The following KCNQ3 variants were observed in gnomAD, a reference collection of about 807,000 sequenced individuals.
The protein encoded by KCNQ3 is potassium voltage-gated channel subfamily Q member 3, also known as potassium voltage-gated channel subfamily KQT member 3.
Under a neutral mutation model 92.5 loss-of-function variants are expected in KCNQ3, and 30 were observed. The ratio of observed to expected loss-of-function variants is 0.32; its 90% CI spans 0.24 to 0.44. The LOEUF is 0.44. KCNQ3 is among the 20% of genes least tolerant of loss of function. The probability of loss-of-function intolerance (pLI) is 1.00; values close to 1 mark genes in which losing one functional copy is unlikely to be tolerated. For synonymous variants in KCNQ3, 450 were observed against 468.8 expected (o/e 0.96, Z 0.52); for missense variants, 913 against 1,140.3 (o/e 0.80, Z 2.87).
At chr8:132,231,787 C>T (rs2130375359) in intron 1 of KCNQ3, among the ~76,000 whole-genome samples, 1 of 152,360 alleles carries the variant, frequency 6.6e-6, no homozygotes, top group African/African-American at 2.4e-5. Context: ...AAGCCACATT[C>T]ATGCTTTGCA....
intron 1 of KCNQ3, among the ~76,000 whole-genome samples, chr8:132,339,624 G>C (rs1818462326): frequency 6.6e-6 from 1 of 152,120 alleles, no homozygotes; most frequent in African/African-American, 2.4e-5. Context: ...CATGAGTATT[G>C]CTTGAACCAA....
intron 1 of KCNQ3, among the ~76,000 whole-genome samples, chr8:132,429,973 T>C (rs937307124): frequency 4.6e-5 from 7 of 152,086 alleles, no homozygotes; most frequent in African/African-American, 1.7e-4. Flanking sequence ...GTTCATTCAT[T>C]CATTCATTCA....
chr8:132,173,021 T>C (rs1029783520), intron 6 of KCNQ3, among the ~76,000 whole-genome samples: 3 of 152,204 alleles, frequency 2.0e-5, no homozygotes, highest in Non-Finnish European at 4.4e-5. Context: ...TAATACCTAA[T>C]GCATGATTAG....
chr8:132,280,170 C>G lies in KCNQ3; in HGVS notation c.387-93989G>C, dbSNP rs529037050. Among the ~76,000 whole-genome samples, 4 of 152,158 alleles carry G rather than the reference C, an allele frequency of 2.6e-5. No individual in the cohort carries two copies. The South Asian group carries it at 8.3e-4, about 32-fold the overall frequency. ...CAAGATGATTTCAGAGAGAAAAATT[C>G]AATAAAGAAGATGTCCCAGGCTGCC... On this transcript the variant is annotated intron_variant, in intron 1 of 14. Transcript: ENST00000388996.
intron 1 of KCNQ3, among the ~76,000 whole-genome samples, chr8:132,283,037 G>A (rs369720749): frequency 2.0e-4 from 30 of 151,992 alleles, no homozygotes; most frequent in African/African-American, 6.8e-4. Context: ...ATGGGAAACC[G>A]AACATACAGA....
intron 9 of KCNQ3, among the ~76,000 whole-genome samples, chr8:132,149,181 T>C (rs1030370136): frequency 3.9e-5 from 6 of 152,228 alleles, no homozygotes; most frequent in Non-Finnish European, 7.3e-5. Flanking sequence ...AATTGATAGA[T>C]GCAGGAGGCA....
intron 1 of KCNQ3, among the ~76,000 whole-genome samples, chr8:132,437,309 A>G (rs369118577): frequency 9.9e-5 from 15 of 151,156 alleles, no homozygotes; most frequent in Non-Finnish European, 1.9e-4. Context: ...AATAAAAAAA[A>G]TAAAAAAAAA....
intron 1 of KCNQ3, among the ~76,000 whole-genome samples, chr8:132,342,948 T>G (rs993961873): frequency 1.3e-5 from 2 of 152,198 alleles, no homozygotes; most frequent in African/African-American, 4.8e-5. Context: ...GTGGTTTTTG[T>G]TTTTACAGGC....
In KCNQ3 at chr8:132,172,637, G is replaced by A. The variant is rs761440912; in HGVS notation, c.1101C>T (p.His367=). The A allele has an allele frequency of 6.2e-7, 1 of 1,614,096 alleles. No individual in the cohort carries two copies. The highest frequency in any genetic ancestry group is 8.5e-7 in the Non-Finnish European group (1 of 1,180,026). ...CAGCTGGCTTCCTCCTTTTCTCAAA[G>A]TGCTTCTGACGGTGTTGCTCCTGCA... ...LKVQEQHRQK[H]FEKRRKPAAE... Residue 367 remains histidine, a synonymous_variant, in exon 7 of 15, where the codon CAC becomes CAT. Transcript: ENST00000388996.
Position 132,422,964 on chromosome 8 carries a change from T to C in KCNQ3, c.386+57183A>G, listed in dbSNP as rs140314529. Among the ~76,000 whole-genome samples, 874 of 151,836 alleles carry C rather than the reference T, an allele frequency of 5.8e-3. 8 individuals are homozygous for C. Among genetic ancestry groups the C allele is most frequent in the Non-Finnish European group, 6.9e-3 (468 of 67,910 alleles). On this transcript the variant is annotated intron_variant, in intron 1 of 14. Coordinates refer to ENST00000388996, the MANE Select transcript of KCNQ3 (RefSeq NM_004519.4). ...GTCCTGAAGGAGGGCAGGAAGGAGA[T>C]GGGGTTGGAGATGTAGGCAGAGGAA...
intron 1 of KCNQ3, among the ~76,000 whole-genome samples, chr8:132,471,626 G>C (rs774297012): frequency 6.6e-6 from 1 of 152,110 alleles, no homozygotes; most frequent in Non-Finnish European, 1.5e-5. Flanking sequence ...ATCAACTCAA[G>C]ATGGATTAAA....
At chr8:132,245,902 C>T (rs1484937352) in intron 1 of KCNQ3, among the ~76,000 whole-genome samples, 1 of 152,196 alleles carries the variant, frequency 6.6e-6, no homozygotes, top group Non-Finnish European at 1.5e-5. Context: ...TTATTTATCT[C>T]AGCAGTCCTT....
chr8:132,363,768 C>G (rs1056154406), intron 1 of KCNQ3, among the ~76,000 whole-genome samples: 1 of 151,576 alleles, frequency 6.6e-6, no homozygotes, highest in Non-Finnish European at 1.5e-5. Flanking sequence ...CATTGGAACT[C>G]CTGCATCCCA....
chr8:132,402,808 G>A (rs1213807045), intron 1 of KCNQ3, among the ~76,000 whole-genome samples: 1 of 151,988 alleles, frequency 6.6e-6, no homozygotes, highest in Non-Finnish European at 1.5e-5. Context: ...ACGAGGTCAG[G>A]AGATCGAGAC....
intron 9 of KCNQ3, among the ~76,000 whole-genome samples, chr8:132,149,935 G>A (rs189830796): frequency 6.6e-6 from 1 of 152,170 alleles, no homozygotes; most frequent in Admixed American, 6.5e-5. Context: ...TCTCCCTGGT[G>A]CAGAAACCAT....
intron 1 of KCNQ3, among the ~76,000 whole-genome samples, chr8:132,396,982 A>AAG (rs762265502): frequency 1.4e-4 from 21 of 148,320 alleles, no homozygotes; most frequent in East Asian, 9.8e-4. Flanking sequence ...GTGTGGGAGA[A>AAG]AGAGAGAGAG....
chr8:132,232,374 T>C lies in KCNQ3; in HGVS notation c.387-46193A>G, dbSNP rs559751215. On this transcript the variant is annotated intron_variant, in intron 1 of 14. Coordinates refer to ENST00000388996, the MANE Select transcript of KCNQ3 (RefSeq NM_004519.4). ...TGGACCATTCCTTGAGTGGTGAGGA[T>C]TTACACACAGGACTCAATCGTTGAT... Among the ~76,000 whole-genome samples the C allele has an allele frequency of 3.3e-5, 5 of 152,284 alleles. No homozygotes were observed. In the East Asian group the frequency reaches 9.7e-4, roughly 29 times the overall value.
chr8:132,183,510 CT>C, intron 3 of KCNQ3, among the ~76,000 whole-genome samples: 1 of 149,804 alleles, frequency 6.7e-6, no homozygotes, highest in Non-Finnish European at 1.5e-5. Context: ...TAATTCCAAC[CT>C]TCCCATGGAT....
At chr8:132,333,227 C>T (rs1434736053) in intron 1 of KCNQ3, among the ~76,000 whole-genome samples, 7 of 152,166 alleles carry the variant, frequency 4.6e-5, no homozygotes, top group Admixed American at 2.0e-4. Context: ...GCAAGCCTTA[C>T]CAACCCCTCT....
Sources: allele counts gnomAD v4.1 joint callset (sites outside exome capture counted in the v4.1 genomes callset), GRCh38; gene constraint gnomAD v4.1.1; transcripts MANE v1.5; gene names NCBI Gene and HGNC (gene_info 2026-07-23, HGNC 2026-07-21).